KIRREL3: variants seen among roughly 807,000 people sequenced by gnomAD.
KIRREL3 encodes kirre like nephrin family adhesion molecule 3.
In KIRREL3, 36 loss-of-function variants were observed where a neutral mutation model predicts 89.7. That is an observed-to-expected ratio of 0.40 (90% confidence interval 0.31 to 0.53). The LOEUF (loss-of-function observed/expected upper bound fraction) is 0.53, where lower values mean the gene tolerates loss of function less well. Ranked by LOEUF, KIRREL3 falls within the 20% of genes least tolerant of loss-of-function variation. KIRREL3 has a pLI of 0.49. For missense variants in KIRREL3, 864 were observed against 1,056.6 expected (o/e 0.82, Z 2.53); for synonymous variants, 445 against 441.4 (o/e 1.01, Z -0.10).
chr11:126,748,193 G>A lies in KIRREL3; in HGVS notation c.56-185281C>T, dbSNP rs1328831034. The stretch of plus-strand genomic sequence containing the variant: ...AGGGCCCATCATTTGGGGGCAAGAA[G>A]CTGCCTGGATGCTTTCTGGCCTTCT... On this transcript the variant is annotated intron_variant, in intron 1 of 16. Transcript: ENST00000525144. The surrounding 1 kb of genome is among the most constrained non-coding windows in gnomAD (Gnocchi z 4.6). 1.3e-5 allele frequency among the ~76,000 whole-genome samples: 2 copies of A among 152,212 alleles called. No individual in the cohort carries two copies. Among genetic ancestry groups the A allele is most frequent in the African/African-American group, 4.8e-5 (2 of 41,458 alleles).
At chr11:126,882,144 T>C (rs1321368283) in intron 1 of KIRREL3, among the ~76,000 whole-genome samples, 1 of 152,204 alleles carries the variant, frequency 6.6e-6, no homozygotes, top group Non-Finnish European at 1.5e-5. Flanking sequence ...CCCTGACTCC[T>C]GCCCTCTTGA....
intron 4 of KIRREL3, among the ~76,000 whole-genome samples, chr11:126,507,963 C>T (rs1217070431): frequency 6.6e-6 from 1 of 152,144 alleles, no homozygotes. Flanking sequence ...AATGAGTTCT[C>T]TCCAGCAGCC....
At chr11:126,663,346 C>A (rs963371471) in intron 1 of KIRREL3, among the ~76,000 whole-genome samples, 1 of 151,802 alleles carries the variant, frequency 6.6e-6, no homozygotes, top group African/African-American at 2.4e-5. Flanking sequence ...CCACCACACC[C>A]GGCTAATTTT....
chr11:126,465,063 G>A (rs1239061056), intron 5 of KIRREL3, among the ~76,000 whole-genome samples: 1 of 152,120 alleles, frequency 6.6e-6, no homozygotes, highest in Non-Finnish European at 1.5e-5. Flanking sequence ...CCCCGGGGAG[G>A]GTGTGCTGAG....
chr11:126,926,755 G>A (rs111282991), intron 1 of KIRREL3, among the ~76,000 whole-genome samples: 18 of 152,322 alleles, frequency 1.2e-4, no homozygotes, highest in African/African-American at 2.6e-4. Context: ...AACCTCTGAC[G>A]TTGGGTGGCT....
chr11:126,545,393 C>T (rs1002602382), intron 2 of KIRREL3, among the ~76,000 whole-genome samples: 1 of 152,064 alleles, frequency 6.6e-6, no homozygotes, highest in Non-Finnish European at 1.5e-5. Context: ...CCCCATCTGT[C>T]CTTGCTGCTT....
chr11:126,442,944 G>A (rs1955639982), intron 10 of KIRREL3, among the ~76,000 whole-genome samples: 1 of 152,250 alleles, frequency 6.6e-6, no homozygotes, highest in South Asian at 2.1e-4. Flanking sequence ...GAGACCTGGA[G>A]AGTGCAGATT....
At position 126,490,908 on chromosome 11, in the gene KIRREL3, T is replaced by G. The variant is rs1369158372; in HGVS notation, c.434-17442A>C. Among the ~76,000 whole-genome samples, 1 of 152,110 alleles carries G rather than the reference T, an allele frequency of 6.6e-6. No homozygotes were observed. The highest frequency in any genetic ancestry group is 1.5e-5 in the Non-Finnish European group (1 of 68,024). ...TCAGGCAGGGATGCTCATTTGCTCTTAAGGGTGCAGGGGGTCCACAAATGC... is the reference window on the plus strand; with the variant it reads ...TCAGGCAGGGATGCTCATTTGCTCTGAAGGGTGCAGGGGGTCCACAAATGC... On this transcript the variant is annotated intron_variant, in intron 4 of 16. Transcript: ENST00000525144. The surrounding 1 kb of genome is among the most constrained non-coding windows in gnomAD (Gnocchi z 4.2).
intron 1 of KIRREL3, among the ~76,000 whole-genome samples, chr11:126,822,124 C>G (rs189559321): frequency 6.6e-6 from 1 of 152,204 alleles, no homozygotes; most frequent in East Asian, 1.9e-4. Context: ...TGGGCAAGCC[C>G]CTTGATGTCT....
intron 1 of KIRREL3, among the ~76,000 whole-genome samples, chr11:126,644,646 G>A (rs1170608217): frequency 6.6e-6 from 1 of 152,170 alleles, no homozygotes; most frequent in Non-Finnish European, 1.5e-5. Flanking sequence ...CTGCAGATGA[G>A]GTGAGAAGAA....
intron 1 of KIRREL3, among the ~76,000 whole-genome samples, chr11:126,777,476 C>CAA (rs147628177): frequency 6.6e-6 from 1 of 151,718 alleles, no homozygotes; most frequent in African/African-American, 2.4e-5. Flanking sequence ...AGGTTTTACT[C>CAA]AAAAAAAACC....
rs1231941544 is a variant in KIRREL3, at chr11:126,983,709, C to A, written c.55+16746G>T. Among the ~76,000 whole-genome samples, 5 of 152,168 alleles carry A rather than the reference C, an allele frequency of 3.3e-5. No individual in the cohort carries two copies. Among genetic ancestry groups the A allele is most frequent in the Admixed American group, 3.3e-4 (5 of 15,280 alleles). ...TAGCCTCCAGAAAGAAACAGCCCTG[C>A]AGCACCTGGATGCCAGCCCGTGAGA... On this transcript the variant is annotated intron_variant, in intron 1 of 16. Coordinates refer to ENST00000525144, the MANE Select transcript of KIRREL3 (RefSeq NM_032531.4). This position sits in a 1 kb window ranked among gnomAD's most constrained non-coding sequence, Gnocchi z 4.9.
At chr11:126,741,138 G>C (rs999522847) in intron 1 of KIRREL3, among the ~76,000 whole-genome samples, 7 of 152,148 alleles carry the variant, frequency 4.6e-5, no homozygotes, top group African/African-American at 1.4e-4. Flanking sequence ...TTCCTATGCA[G>C]AGGGCTCTTG....
In KIRREL3 at chr11:126,668,714, T is replaced by TTTCC; in HGVS notation, c.56-105803_56-105802insGGAA. Among the ~76,000 whole-genome samples the TTTCC allele has an allele frequency of 1.1e-5, 1 of 93,510 alleles. No homozygotes were observed. The highest frequency in any genetic ancestry group is 2.5e-5 in the Non-Finnish European group (1 of 40,586). 61.3% of individuals were successfully genotyped at this position (93,510 alleles called of 152,430 possible). A position where few individuals can be genotyped will look rare whatever the true frequency, so the allele number is the denominator to read the frequency against. On this transcript the variant is annotated intron_variant, in intron 1 of 16. Coordinates refer to ENST00000525144, the MANE Select transcript of KIRREL3 (RefSeq NM_032531.4). The surrounding 1 kb of genome is among the most constrained non-coding windows in gnomAD (Gnocchi z 4.4). The stretch of plus-strand genomic sequence containing the variant: ...CTGTTTTTCTTTCTTTCTTTCTTTC[T>TTTCC]TTCTTTCTTTCTTTCTTTCTTTCTT...
chr11:126,979,203 G>A (rs1949658509), intron 1 of KIRREL3, among the ~76,000 whole-genome samples: 1 of 152,200 alleles, frequency 6.6e-6, no homozygotes, highest in Admixed American at 6.5e-5. Flanking sequence ...TTTGGGCAGA[G>A]GGGAAAGAGA....
At chr11:126,478,590 T>C (rs1398751108) in intron 4 of KIRREL3, among the ~76,000 whole-genome samples, 1 of 150,738 alleles carries the variant, frequency 6.6e-6, no homozygotes, top group African/African-American at 2.5e-5. Context: ...CACGTGTGTA[T>C]GTGTATATGT....
At chr11:126,502,424 C>T (rs74932215) in intron 4 of KIRREL3, among the ~76,000 whole-genome samples, 25,572 of 152,204 alleles carry the variant, frequency 0.17, 2,236 homozygotes, top group Admixed American at 0.22. Context: ...GAAGCTGTCC[C>T]TTCTGGGCAG....
At chr11:126,617,102 C>T (rs562692762) in intron 1 of KIRREL3, among the ~76,000 whole-genome samples, 5 of 152,246 alleles carry the variant, frequency 3.3e-5, no homozygotes, top group Admixed American at 6.5e-5. Context: ...TTCACAGCCT[C>T]ACTAAATAAA....
rs1191359267 is a variant in KIRREL3, at chr11:126,575,203, T to A, written c.56-12291A>T. 6.6e-6 allele frequency among the ~76,000 whole-genome samples: 1 copy of A among 152,224 alleles called. No homozygotes were observed. Among genetic ancestry groups the A allele is most frequent in the African/African-American group, 2.4e-5 (1 of 41,450 alleles). ...GAAGCCCGGGGAGTAGGAAGTTCTATGCTACCCTGGCTTGAAGCTTTGGAC... is the reference window on the plus strand; with the variant it reads ...GAAGCCCGGGGAGTAGGAAGTTCTAAGCTACCCTGGCTTGAAGCTTTGGAC... On this transcript the variant is annotated intron_variant, in intron 1 of 16. Transcript: ENST00000525144. The surrounding 1 kb of genome is among the most constrained non-coding windows in gnomAD (Gnocchi z 7.0).
Sources: allele counts gnomAD v4.1 joint callset (sites outside exome capture counted in the v4.1 genomes callset), GRCh38; gene constraint gnomAD v4.1.1; non-coding constraint Gnocchi (gnomAD v3.1); transcripts MANE v1.5; gene names NCBI Gene and HGNC (gene_info 2026-07-23, HGNC 2026-07-21).